NAALADL2: variants seen among roughly 807,000 people sequenced by gnomAD.
NAALADL2 encodes the protein inactive N-acetylated-alpha-linked acidic dipeptidase-like protein 2.
Under a neutral mutation model 87.2 loss-of-function variants are expected in NAALADL2, and 76 were observed. That is an observed-to-expected ratio of 0.87 (90% CI 0.72 to 1.05). The LOEUF (loss-of-function observed/expected upper bound fraction) is 1.05. NAALADL2 is among the 50% of genes least tolerant of loss of function. The pLI is 0.00. For synonymous variants in NAALADL2, 354 were observed against 331.0 expected (o/e 1.07, Z -0.75); for missense variants, 1,089 against 945.8 (o/e 1.15, Z -1.99).
intron 1 of NAALADL2, among the ~76,000 whole-genome samples, chr3:175,093,277 C>A (rs1481669748): frequency 1.3e-5 from 2 of 151,396 alleles, no homozygotes; most frequent in African/African-American, 2.4e-5. Context: ...ATGTTTTTGT[C>A]TCACAGGGCA....
intron 1 of NAALADL2, among the ~76,000 whole-genome samples, chr3:174,882,794 T>TGC (rs1729539361): frequency 9.5e-6 from 1 of 104,982 alleles, no homozygotes; most frequent in African/African-American, 4.9e-5. Context: ...TGTGTATATA[T>TGC]ACACGTGTGT....
intron 3 of NAALADL2, among the ~76,000 whole-genome samples, chr3:174,749,466 G>A (rs1306278642): frequency 2.0e-5 from 3 of 151,442 alleles, no homozygotes; most frequent in African/African-American, 7.3e-5. Context: ...TTCCATTTCT[G>A]TGAATGGCAG....
chr3:175,398,103 G>A (rs1770047658), intron 5 of NAALADL2, among the ~76,000 whole-genome samples: 1 of 152,088 alleles, frequency 6.6e-6, no homozygotes, highest in African/African-American at 2.4e-5. Context: ...GAAAGTTTCT[G>A]TTCATTTGGA....
Position 174,625,043 on chromosome 3 carries a change from A to ATC in NAALADL2, c.-115+74420_-115+74421dup, listed in dbSNP as rs1181249470. On this transcript the variant is annotated intron_variant, in intron 2 of 3. Coordinates refer to the NAALADL2 transcript ENST00000434257. ...TGTCCTCAGAATTCTATTTATTGCT[A>ATC]TCTCTCTCTCTCTCTTTTTTTTTTT... 1.9e-4 allele frequency among the ~76,000 whole-genome samples: 21 copies of ATC among 113,124 alleles called. 1 individual carries two copies. The highest frequency in any genetic ancestry group is 4.3e-4 in the African/African-American group (12 of 27,942). 74.2% of individuals were successfully genotyped at this position (113,124 alleles called of 152,430 possible). A position where few individuals can be genotyped will look rare whatever the true frequency, so the allele number is the denominator to read the frequency against.
intron 3 of NAALADL2, chr3:175,235,826 C>A (rs189764825): frequency 2.0e-5 from 3 of 152,184 alleles, no homozygotes; most frequent in Non-Finnish European, 4.4e-5. Flanking sequence ...GAAGGAGATA[C>A]GCAAAACTCA....
At chr3:174,664,247 G>T (rs1321007245) in intron 2 of NAALADL2, among the ~76,000 whole-genome samples, 1 of 152,188 alleles carries the variant, frequency 6.6e-6, no homozygotes, top group African/African-American at 2.4e-5. Context: ...ATTGGTAAAT[G>T]ATATTGCTTC....
chr3:174,786,461 AAAAAAT>A (rs1560224230), intron 3 of NAALADL2, among the ~76,000 whole-genome samples: 8 of 138,972 alleles, frequency 5.8e-5, no homozygotes, highest in Non-Finnish European at 6.3e-5. Context: ...AAAAAAAAAA[AAAAAAT>A]AATAAATAAA....
intron 3 of NAALADL2, among the ~76,000 whole-genome samples, chr3:175,253,666 T>C (rs1308114571): frequency 6.6e-6 from 1 of 152,196 alleles, no homozygotes. Flanking sequence ...GAAAACTTTC[T>C]GGAAAGGATA....
chr3:174,870,552 T>C (rs528394918), intron 1 of NAALADL2, among the ~76,000 whole-genome samples: 136 of 152,020 alleles, frequency 8.9e-4, no homozygotes, highest in Middle Eastern at 3.4e-3. Context: ...TTAGGGTTTG[T>C]GTCATTATCT....
chr3:174,812,420 C>A (rs1487140539), intron 3 of NAALADL2, among the ~76,000 whole-genome samples: 1 of 151,980 alleles, frequency 6.6e-6, no homozygotes, highest in Non-Finnish European at 1.5e-5. Context: ...GTTAGTCATA[C>A]CAAAGTATAT....
chr3:175,199,886 TTTTTTTC>T (rs1560154318), intron 2 of NAALADL2, among the ~76,000 whole-genome samples: 2 of 92,154 alleles, frequency 2.2e-5, no homozygotes, highest in Non-Finnish European at 4.6e-5. Context: ...TTTTTTTTTT[TTTTTTTC>T]CTTAGTCCAT....
intron 1 of NAALADL2, among the ~76,000 whole-genome samples, chr3:174,976,101 T>A (rs1744324324): frequency 6.6e-6 from 1 of 152,206 alleles, no homozygotes; most frequent in Admixed American, 6.5e-5. Flanking sequence ...ACATAGGTAA[T>A]TCCATATTTT....
chr3:174,497,891 T>TAG (rs1718643419), intron 1 of NAALADL2, among the ~76,000 whole-genome samples: 1 of 152,154 alleles, frequency 6.6e-6, no homozygotes, highest in African/African-American at 2.4e-5. Flanking sequence ...ACCTGATAAG[T>TAG]GATATCTTTG....
At chr3:174,871,569 C>T in intron 1 of NAALADL2, among the ~76,000 whole-genome samples, 1 of 152,172 alleles carries the variant, frequency 6.6e-6, no homozygotes, top group Non-Finnish European at 1.5e-5. Context: ...ATACATCTTT[C>T]TGCTGAACAC....
chr3:174,836,016 C>T (rs1273866997), intron 3 of NAALADL2, among the ~76,000 whole-genome samples: 1 of 152,110 alleles, frequency 6.6e-6, no homozygotes, highest in Non-Finnish European at 1.5e-5. Flanking sequence ...TAAAGTAAGT[C>T]AAAGTGAGGC....
chr3:175,808,277 G>T lies in NAALADL2; in HGVS notation c.*5074G>T, dbSNP rs1015030150. ...TTACAAATAAAAGGGTTAAATTGAG[G>T]CAGTTTCAAGCAGCATTTAGGAAAA... On this transcript the variant is annotated 3_prime_UTR_variant, in exon 14 of 14. Transcript: ENST00000454872. 2.0e-5 allele frequency: 3 copies of T among 151,910 alleles called. No individual in the cohort carries two copies. Among genetic ancestry groups the T allele is most frequent in the African/African-American group, 2.4e-5 (1 of 41,400 alleles). The allele number at this position is 151,910 out of a possible 1,614,324, so 9.4% of individuals were successfully genotyped here.
intron 9 of NAALADL2, among the ~76,000 whole-genome samples, chr3:175,515,809 C>G (rs1175513937): frequency 1.3e-5 from 2 of 152,132 alleles, no homozygotes; most frequent in Non-Finnish European, 2.9e-5. Flanking sequence ...TTTTTCCTCT[C>G]TCATGAGACA....
At chr3:174,819,136 CA>C (rs1209503427) in intron 3 of NAALADL2, among the ~76,000 whole-genome samples, 1 of 126,614 alleles carries the variant, frequency 7.9e-6, no homozygotes, top group Non-Finnish European at 1.6e-5. Flanking sequence ...CGACTCATTG[CA>C]ACCTCCACCT....
chr3:175,159,458 GC>G (rs1390706738), intron 2 of NAALADL2, among the ~76,000 whole-genome samples: 1 of 152,090 alleles, frequency 6.6e-6, no homozygotes, highest in African/African-American at 2.4e-5. Context: ...GTTTTGTTTT[GC>G]ATACACACAT....
Sources: allele counts gnomAD v4.1 joint callset (sites outside exome capture counted in the v4.1 genomes callset), GRCh38; gene constraint gnomAD v4.1.1; transcripts MANE v1.5; gene names NCBI Gene and HGNC (gene_info 2026-07-23, HGNC 2026-07-21).